The following CELF2 variants were observed in gnomAD, a reference collection of about 807,000 sequenced individuals.
The protein encoded by CELF2 is CUGBP Elav-like family member 2, also known as CUG triplet repeat RNA-binding protein 2.
Under a neutral mutation model 62.6 loss-of-function variants are expected in CELF2, and 8 were observed. That is an observed-to-expected ratio of 0.13 (90% CI 0.07 to 0.23). The LOEUF (loss-of-function observed/expected upper bound fraction) is 0.23. Ranked by LOEUF, CELF2 falls within the 10% of genes least tolerant of loss-of-function variation. The probability of loss-of-function intolerance (pLI) is 1.00; values close to 1 mark genes in which losing one functional copy is unlikely to be tolerated. For missense variants in CELF2, 333 were observed against 671.0 expected, an observed-to-expected ratio of 0.50 and a Z score of 5.56; for synonymous variants, 258 against 250.0, an observed-to-expected ratio of 1.03 and a Z score of -0.30.
intron 1 of CELF2, among the ~76,000 whole-genome samples, chr10:10,831,256 A>G (rs914861948): frequency 2.0e-5 from 3 of 152,206 alleles, no homozygotes; most frequent in Admixed American, 1.3e-4. Context: ...GTTCTGAGAC[A>G]CTTGAAGGTG....
At chr10:10,515,963 C>G in the CELF2 span, among the ~76,000 whole-genome samples, 1 of 152,110 alleles carries the variant, frequency 6.6e-6, no homozygotes, top group South Asian at 2.1e-4. Context: ...ATCCACCAAT[C>G]TTAGATTTGA....
At chr10:11,002,286 T>G (rs2054596310), upstream of CELF2, among the ~76,000 whole-genome samples, 1 of 152,194 alleles carries the variant, frequency 6.6e-6, no homozygotes, top group Non-Finnish European at 1.5e-5. The surrounding 1 kb of genome is among the most constrained non-coding windows in gnomAD (Gnocchi z 4.4). Context: ...CCCCTGTGAT[T>G]TCAGTTATCT....
At chr10:11,215,704 A>T (rs1308176816) in intron 2 of CELF2, among the ~76,000 whole-genome samples, 3 of 152,108 alleles carry the variant, frequency 2.0e-5, no homozygotes, top group Middle Eastern at 3.2e-3. Context: ...AGGAGAAGTC[A>T]CTGAGACTGT....
At chr10:11,169,881 T>G (rs113883250) in intron 2 of CELF2, among the ~76,000 whole-genome samples, 30 of 152,114 alleles carry the variant, frequency 2.0e-4, no homozygotes, top group African/African-American at 7.0e-4. Context: ...CAGTCAGCAG[T>G]GGTGGGAATG....
chr10:10,470,702 G>T, the CELF2 span, among the ~76,000 whole-genome samples: 2 of 151,152 alleles, frequency 1.3e-5, no homozygotes, highest in Non-Finnish European at 3.0e-5. Flanking sequence ...GGCCCCATGT[G>T]ATGATACTGG....
At chr10:11,063,414 A>G (rs1485896632) in intron 1 of CELF2, among the ~76,000 whole-genome samples, 2 of 152,250 alleles carry the variant, frequency 1.3e-5, no homozygotes, top group African/African-American at 4.8e-5. Context: ...ATGGGAACAT[A>G]TACATGTCAA....
chr10:10,619,790 G>T, the CELF2 span, among the ~76,000 whole-genome samples: 5 of 152,318 alleles, frequency 3.3e-5, no homozygotes, highest in East Asian at 7.7e-4. Flanking sequence ...TAGAAATTGA[G>T]ACCCCATGGG....
At chr10:10,841,096 G>C (rs113880328) in intron 1 of CELF2, among the ~76,000 whole-genome samples, 111 of 152,210 alleles carry the variant, frequency 7.3e-4, no homozygotes, top group African/African-American at 2.3e-3. Context: ...GTCACTGATG[G>C]GCATTTGGGT....
At chr10:10,667,454 T>C in the CELF2 span, among the ~76,000 whole-genome samples, 1 of 152,344 alleles carries the variant, frequency 6.6e-6, no homozygotes, top group Admixed American at 6.5e-5. Context: ...AGGAGATGTT[T>C]TTTAGCACAA....
intron 1 of CELF2, among the ~76,000 whole-genome samples, chr10:10,859,431 C>T (rs1047106834): frequency 2.6e-5 from 4 of 151,980 alleles, no homozygotes; most frequent in Non-Finnish European, 4.4e-5. Flanking sequence ...TCTTGTATTG[C>T]TTATTTTCCT....
At chr10:11,063,546 A>G (rs1228386213) in intron 1 of CELF2, among the ~76,000 whole-genome samples, 6 of 152,258 alleles carry the variant, frequency 3.9e-5, no homozygotes, top group African/African-American at 1.4e-4. Flanking sequence ...TTAAAGCATC[A>G]TAAATAAAAG....
chr10:11,252,088 A>G (rs951264872), intron 4 of CELF2, among the ~76,000 whole-genome samples: 2 of 152,244 alleles, frequency 1.3e-5, no homozygotes, highest in Admixed American at 1.3e-4. Context: ...TTCTTTCCAG[A>G]GGCCCAAATG....
the CELF2 span, among the ~76,000 whole-genome samples, chr10:10,629,811 T>A: frequency 6.8e-6 from 1 of 148,080 alleles, no homozygotes; most frequent in Non-Finnish European, 1.5e-5. Context: ...GATGTCATGT[T>A]ATGTAGTAGT....
At chr10:11,259,417 C>T (rs569133627) in intron 5 of CELF2, among the ~76,000 whole-genome samples, 95 of 134,606 alleles carry the variant, frequency 7.1e-4, no homozygotes, top group Non-Finnish European at 1.3e-3. Context: ...GTGTTTTCTT[C>T]GGAAGGTGGT....
At chr10:10,501,993 C>T in the CELF2 span, among the ~76,000 whole-genome samples, 1 of 151,996 alleles carries the variant, frequency 6.6e-6, no homozygotes, top group South Asian at 2.1e-4. Flanking sequence ...TGGGCAAATG[C>T]TTTTTCTGTA....
intron 1 of CELF2, among the ~76,000 whole-genome samples, chr10:11,146,443 T>G (rs1336869047): frequency 6.6e-6 from 1 of 152,224 alleles, no homozygotes; most frequent in Non-Finnish European, 1.5e-5. Context: ...CAATCCAGCT[T>G]TCATAATGAG....
chr10:11,211,782 GTA>G lies in CELF2; in HGVS notation c.272-5641_272-5640del, dbSNP rs1158372764. ...TGTGTGAGTGAGTGAGAGTGTGTGT[GTA>G]TGTGTGTGAGAGAGAGAGAGAGAGA... On this transcript the variant is annotated intron_variant, in intron 2 of 12. Transcript: ENST00000633077. The surrounding 1 kb of genome is among the most constrained non-coding windows in gnomAD (Gnocchi z 4.8). Among the ~76,000 whole-genome samples the G allele has an allele frequency of 5.9e-3, 840 of 142,992 alleles. 8 individuals are homozygous for G. The highest frequency in any genetic ancestry group is 0.02 in the African/African-American group (781 of 39,398). The allele number at this position is 142,992 out of a possible 152,430, so 93.8% of individuals were successfully genotyped here.
intron 7 of CELF2, among the ~76,000 whole-genome samples, chr10:11,274,771 A>G (rs1342425956): frequency 6.6e-6 from 1 of 152,238 alleles, no homozygotes; most frequent in African/African-American, 2.4e-5. Flanking sequence ...ATAATTAGTC[A>G]CGCTATGTTG....
chr10:10,595,159 C>A, the CELF2 span, among the ~76,000 whole-genome samples: 1 of 152,258 alleles, frequency 6.6e-6, no homozygotes, highest in South Asian at 2.1e-4. Context: ...TACCACAGAC[C>A]ATCTTGCCAT....
Sources: gnomAD v4.1 joint callset for allele counts (sites outside exome capture counted in the v4.1 genomes callset) on GRCh38, gnomAD v4.1.1 for gene constraint, Gnocchi (gnomAD v3.1) non-coding constraint, MANE v1.5 for transcripts, NCBI Gene and HGNC (gene_info 2026-07-23, HGNC 2026-07-21) for gene names.